CCDC175: variants seen among roughly 807,000 people sequenced by gnomAD.
CCDC175 encodes the protein coiled-coil domain containing 175.
A neutral mutation model predicts 114.6 loss-of-function variants in CCDC175; 100 were observed. The observed-to-expected ratio is 0.87, with a 90% CI of 0.74 to 1.03. The LOEUF (loss-of-function observed/expected upper bound fraction) is 1.03, where lower values mean the gene tolerates loss of function less well. Among genes scored for constraint, CCDC175 ranks in the 50% least tolerant of loss-of-function variants. The probability of loss-of-function intolerance (pLI) is 0.00; values close to 1 mark genes in which losing one functional copy is unlikely to be tolerated. For synonymous variants in CCDC175, 306 were observed against 308.7 expected, an observed-to-expected ratio of 0.99 and a Z score of 0.09; for missense variants, 880 against 917.8, an observed-to-expected ratio of 0.96 and a Z score of 0.53.
intron 15 of CCDC175, among the ~76,000 whole-genome samples, chr14:59,526,723 C>T (rs1893762707): frequency 6.6e-6 from 1 of 152,162 alleles, no homozygotes. Flanking sequence ...TCCCCCACTG[C>T]AACCTTTGTT....
At chr14:59,550,142 C>T (rs1205834372) in intron 8 of CCDC175, among the ~76,000 whole-genome samples, 1 of 152,158 alleles carries the variant, frequency 6.6e-6, no homozygotes, top group Non-Finnish European at 1.5e-5. Flanking sequence ...CCCCTGACCC[C>T]AGGTGATCCA....
intron 19 of CCDC175, among the ~76,000 whole-genome samples, chr14:59,508,256 C>T (rs1444020598): frequency 2.0e-5 from 3 of 151,936 alleles, no homozygotes; most frequent in Non-Finnish European, 4.4e-5. Context: ...TTTATTCCCG[C>T]GTTCGCCCCG....
intron 16 of CCDC175, among the ~76,000 whole-genome samples, chr14:59,524,051 T>A (rs1173750725): frequency 4.6e-5 from 7 of 152,144 alleles, no homozygotes; most frequent in Admixed American, 4.6e-4. Flanking sequence ...ATTCCCATTT[T>A]AAGAGGCCAA....
In CCDC175 at chr14:59,568,379, T is replaced by C; in HGVS notation, c.357A>G (p.Glu119=). Residue 119 remains glutamate (E), a splice_region_variant and synonymous_variant, in exon 4 of 20, where the codon GAA becomes GAG. Transcript: ENST00000537690. ...LPNSIKRELE[E]CVRDARRLNL... is the part of the protein sequence containing the mutation. ...TTAATCTGCGAGCGTCTCGGACACATTCTTCAAAGTAAGTGGAAATATTAC... is the reference window on the plus strand; with the variant it reads ...TTAATCTGCGAGCGTCTCGGACACACTCTTCAAAGTAAGTGGAAATATTAC... The C allele has an allele frequency of 2.0e-6, 3 of 1,506,276 alleles. No homozygotes were observed. Among genetic ancestry groups the C allele is most frequent in the Non-Finnish European group, 2.6e-6 (3 of 1,136,954 alleles). 93.3% of individuals were successfully genotyped at this position (1,506,276 alleles called of 1,614,324 possible). A position where few individuals can be genotyped will look rare whatever the true frequency, so the allele number is the denominator to read the frequency against.
intron 7 of CCDC175, among the ~76,000 whole-genome samples, chr14:59,558,313 T>C (rs1191606818): frequency 6.6e-6 from 1 of 152,174 alleles, no homozygotes; most frequent in African/African-American, 2.4e-5. Flanking sequence ...CATGAACCTA[T>C]GGACATCTTG....
intron 13 of CCDC175, among the ~76,000 whole-genome samples, chr14:59,537,270 G>A (rs1166976577): frequency 6.6e-6 from 1 of 152,140 alleles, no homozygotes. Flanking sequence ...TCTGCAGAGG[G>A]TTTCTGCAGG....
At chr14:59,509,045 T>G (rs938326541) in intron 19 of CCDC175, among the ~76,000 whole-genome samples, 3 of 152,214 alleles carry the variant, frequency 2.0e-5, no homozygotes, top group Non-Finnish European at 4.4e-5. Context: ...CTACTTGTCA[T>G]AGATTATCCA....
In CCDC175 at chr14:59,541,013, G is replaced by A. The variant is rs1395585316; in HGVS notation, c.1284-267C>T. Among the ~76,000 whole-genome samples, 3 of 152,162 alleles carry A rather than the reference G, an allele frequency of 2.0e-5. No homozygotes were observed. In the South Asian group the frequency reaches 6.2e-4, roughly 31 times the overall value. On this transcript the variant is annotated intron_variant, in intron 10 of 19. Coordinates refer to ENST00000537690, the MANE Select transcript of CCDC175 (RefSeq NM_001164399.2). ...AGGCAACTGATGAAGGGTTACTAGA[G>A]GTTAATGTTTCTCAGAGGGAGGAAT... is the stretch of plus-strand genomic sequence containing the variant.
At chr14:59,533,987 TAAAAA>T (rs3084296) in intron 13 of CCDC175, among the ~76,000 whole-genome samples, 2 of 133,602 alleles carry the variant, frequency 1.5e-5, no homozygotes, top group African/African-American at 2.8e-5. Context: ...AGACCCCTTT[TAAAAA>T]AAAAAAAAAA....
chr14:59,559,178 C>T (rs1896092252), intron 7 of CCDC175, among the ~76,000 whole-genome samples: 1 of 152,146 alleles, frequency 6.6e-6, no homozygotes, highest in Non-Finnish European at 1.5e-5. Context: ...CTCTAGGCCA[C>T]ATATTGGATG....
chr14:59,536,586 A>G (rs541332051), intron 13 of CCDC175, among the ~76,000 whole-genome samples: 1 of 151,410 alleles, frequency 6.6e-6, no homozygotes, highest in South Asian at 2.1e-4. Flanking sequence ...TTCTTCTAAC[A>G]TTGTAGTCAT....
chr14:59,544,152 T>A (rs1204896011), intron 9 of CCDC175, among the ~76,000 whole-genome samples: 1 of 151,840 alleles, frequency 6.6e-6, no homozygotes, highest in Admixed American at 6.6e-5. Context: ...AGCGTGTGGA[T>A]TGATAAGGGT....
intron 17 of CCDC175, among the ~76,000 whole-genome samples, chr14:59,513,552 C>A (rs944390303): frequency 2.0e-5 from 3 of 152,136 alleles, no homozygotes; most frequent in African/African-American, 7.2e-5. Flanking sequence ...CCTATGCCCA[C>A]GGAGCCTCAC....
At chr14:59,522,394 C>T (rs1382230172) in intron 16 of CCDC175, among the ~76,000 whole-genome samples, 3 of 152,188 alleles carry the variant, frequency 2.0e-5, no homozygotes, top group Admixed American at 6.5e-5. Flanking sequence ...ATAGGGTCTA[C>T]TCATGTATCT....
At chr14:59,549,046 T>A (rs979695425) in intron 8 of CCDC175, among the ~76,000 whole-genome samples, 4 of 152,240 alleles carry the variant, frequency 2.6e-5, no homozygotes, top group African/African-American at 9.6e-5. Flanking sequence ...TTTCTCCCCA[T>A]GACCACTAAA....
Position 59,521,599 on chromosome 14 carries a change from C to A in CCDC175, c.2073G>T (p.Leu691Phe). Residue 691 changes from leucine to phenylalanine, a missense_variant, in exon 17 of 20, where the codon TTG (leucine) becomes TTT (phenylalanine). Transcript: ENST00000537690. Reference sequence around the variant, plus strand: ...CCTCCTGAGCTATTAGTTGCCGAGACAAGTCGCTTGAGGTGTGCATGAGGG... The same window carrying A: ...CCTCCTGAGCTATTAGTTGCCGAGAAAAGTCGCTTGAGGTGTGCATGAGGG... ...QEALMHTSSD[L>F]SRQLIAQEAQ... is the part of the protein sequence containing the mutation. 1 of 1,534,894 alleles carries A rather than the reference C, an allele frequency of 6.5e-7. No homozygotes were observed. The highest frequency in any genetic ancestry group is 2.4e-5 in the East Asian group (1 of 40,906).
chr14:59,549,725 A>AAAAAAAAAAG (rs1252837181), intron 8 of CCDC175, among the ~76,000 whole-genome samples: 22 of 150,902 alleles, frequency 1.5e-4, no homozygotes, highest in Middle Eastern at 3.4e-3. Context: ...GTCTCAAAAA[A>AAAAAAAAAAG]AAAAAGAAAA....
intron 19 of CCDC175, chr14:59,510,304 A>G (rs1353807857): frequency 4.2e-6 from 1 of 237,102 alleles, no homozygotes; most frequent in African/African-American, 2.3e-5. Flanking sequence ...CAGTTCAGGA[A>G]GAAAATGTAA....
At chr14:59,509,655 G>T (rs772625456) in intron 19 of CCDC175, among the ~76,000 whole-genome samples, 4 of 152,066 alleles carry the variant, frequency 2.6e-5, no homozygotes, top group Non-Finnish European at 5.9e-5. Flanking sequence ...TGAGGCAGAG[G>T]CACTACCATA....
Sources: gnomAD v4.1 joint callset for allele counts (sites outside exome capture counted in the v4.1 genomes callset) on GRCh38, gnomAD v4.1.1 for gene constraint, MANE v1.5 for transcripts, NCBI Gene and HGNC (gene_info 2026-07-23, HGNC 2026-07-21) for gene names.